DDX55: variants seen among roughly 807,000 people sequenced by gnomAD.
The protein encoded by DDX55 is DEAD-box helicase 55.
In DDX55, 56 loss-of-function variants were observed where a neutral mutation model predicts 69.2. The ratio of observed to expected loss-of-function variants is 0.81; its 90% confidence interval spans 0.65 to 1.01. The LOEUF (loss-of-function observed/expected upper bound fraction) is 1.01. DDX55 is among the 50% of genes least tolerant of loss of function. DDX55 has a pLI of 0.00. For missense variants in DDX55, 720 were observed against 745.1 expected (o/e 0.97, Z 0.39); for synonymous variants, 268 against 273.1 (o/e 0.98, Z 0.18).
chr12:123,615,931 G>A (rs1218464729), intron 9 of DDX55, among the ~76,000 whole-genome samples: 1 of 152,152 alleles, frequency 6.6e-6, no homozygotes, highest in African/African-American at 2.4e-5. Context: ...GCAGTGAGCC[G>A]AGACTGCGCC....
intron 11 of DDX55, 46 bp from the exon 12 acceptor site, chr12:123,618,620 TATG>T: frequency 1.3e-6 from 2 of 1,591,040 alleles, no homozygotes; most frequent in East Asian, 2.2e-5. Flanking sequence ...GCCCTGGGGA[TATG>T]ATGCCAGCCA....
chr12:123,618,050 CTT>C (rs1332456641), intron 11 of DDX55, 178 bp downstream of exon 11: 5 of 546,748 alleles, frequency 9.1e-6, no homozygotes, highest in Admixed American at 6.5e-5. Context: ...GAGTTTCACT[CTT>C]GTTGCCCAGG....
At chr12:123,618,874 TTAAC>T (rs1954912788) in intron 12 of DDX55, 37 bp downstream of exon 12, 1 of 1,606,470 alleles carries the variant, frequency 6.2e-7, no homozygotes, top group African/African-American at 1.3e-5. Context: ...TGTCTCCATC[TTAAC>T]TATGTGGTGG....
At chr12:123,606,015 T>C (rs199551284) in intron 2 of DDX55, 34 bp downstream of exon 2, 7 of 1,613,246 alleles carry the variant, frequency 4.3e-6, no homozygotes, top group Non-Finnish European at 5.9e-6. Flanking sequence ...CCTGTCCTCG[T>C]GTTCTCCCTC....
chr12:123,605,808 CA>C (rs1261074896), intron 1 of DDX55, 122 bp from the exon 2 acceptor site: 63 of 1,304,236 alleles, frequency 4.8e-5, no homozygotes, highest in Non-Finnish European at 6.4e-5. Flanking sequence ...CTTGGTTACT[CA>C]GAGCCCCTTT....
chr12:123,615,706 C>G (rs1285643972), intron 9 of DDX55, among the ~76,000 whole-genome samples: 1 of 152,234 alleles, frequency 6.6e-6, no homozygotes, highest in Non-Finnish European at 1.5e-5. Flanking sequence ...GGCTTAAGGC[C>G]GGACACGGTG....
At chr12:123,606,574 G>GT (rs1367230403) in intron 3 of DDX55, among the ~76,000 whole-genome samples, 1 of 139,024 alleles carries the variant, frequency 7.2e-6, no homozygotes, top group Non-Finnish European at 1.5e-5. Context: ...TTAGTGCCAT[G>GT]TTTTTTACCT....
intron 11 of DDX55, 79 bp from the exon 12 acceptor site, chr12:123,618,590 T>C: frequency 6.4e-7 from 1 of 1,565,506 alleles, no homozygotes; most frequent in Non-Finnish European, 8.6e-7. Flanking sequence ...CGCTTTTGTT[T>C]TTCTTGGTTG....
Position 123,608,820 on chromosome 12 carries a change from T to G in DDX55, c.542T>G (p.Phe181Cys), listed in dbSNP as rs141234230. ...GCAGACAGACTTCTGGACATGGGGT[T>G]TGAGGCAAGGTACTGGACTTTGGAC... is the stretch of plus-strand genomic sequence containing the variant. ...DEADRLLDMGFEASINTILEF... is the reference protein window; with the variant it reads ...DEADRLLDMGCEASINTILEF... The change falls in exon 6 of 14, where the codon TTT (phenylalanine) becomes TGT (cysteine). Residue 181 changes from phenylalanine to cysteine, a missense_variant. Coordinates refer to ENST00000238146, the MANE Select transcript of DDX55 (RefSeq NM_020936.3). The G allele has an allele frequency of 1.7e-4, 276 of 1,613,728 alleles. No individual in the cohort carries two copies. Among genetic ancestry groups the G allele is most frequent in the Non-Finnish European group, 2.1e-4 (242 of 1,179,848 alleles).
chr12:123,618,340 C>A, intron 11 of DDX55: 1 of 604,096 alleles, frequency 1.7e-6, no homozygotes, highest in Non-Finnish European at 3.1e-6. Context: ...GCTGTGGAGG[C>A]ACCTCGGTCA....
At chr12:123,609,806 C>T in intron 6 of DDX55, 133 bp from the exon 7 acceptor site, 2 of 1,039,324 alleles carry the variant, frequency 1.9e-6, no homozygotes, top group East Asian at 2.6e-5. Flanking sequence ...AATCTCACCT[C>T]CCAGTGTATG....
At chr12:123,615,113 C>T in intron 8 of DDX55, 72 bp from the exon 9 acceptor site, 1 of 1,595,546 alleles carries the variant, frequency 6.3e-7, no homozygotes, top group South Asian at 1.1e-5. Context: ...AGCTATTGCT[C>T]ACTGTTCCCC....
chr12:123,608,163 T>A (rs1052325755), intron 5 of DDX55: 5 of 186,044 alleles, frequency 2.7e-5, no homozygotes. Context: ...CAGTTTGTGA[T>A]CTTTACATAG....
intron 13 of DDX55, 75 bp downstream of exon 13, chr12:123,619,799 G>A (rs1955009245): frequency 2.8e-5 from 43 of 1,519,914 alleles, no homozygotes; most frequent in Non-Finnish European, 3.7e-5. Context: ...AATAGGAATT[G>A]TGTGGGGCTG....
At position 123,619,395 on chromosome 12, in the gene DDX55, G is replaced by T. The variant is rs761896543; in HGVS notation, c.1334-37G>T. The T allele has an allele frequency of 2.5e-6, 4 of 1,584,028 alleles. No homozygotes were observed. In the Admixed American group the frequency reaches 5.7e-5, roughly 23 times the overall value. On this transcript the variant is annotated intron_variant, in intron 12 of 13. Coordinates refer to ENST00000238146, the MANE Select transcript of DDX55 (RefSeq NM_020936.3). The stretch of plus-strand genomic sequence containing the variant: ...AGCCATTACTGATTGTTCTAATCCT[G>T]TTGAGTGCGCTAACTCTGATCTTCT...
In DDX55 at chr12:123,610,084, A is replaced by G; in HGVS notation, c.697A>G (p.Ser233Gly). 1.9e-6 allele frequency: 3 copies of G among 1,614,214 alleles called. No homozygotes were observed. The highest frequency in any genetic ancestry group is 2.5e-6 in the Non-Finnish European group (3 of 1,180,042). The change falls in exon 7 of 14, where the codon AGC (serine) becomes GGC (glycine). Residue 233 changes from serine (S) to glycine (G), a missense_variant. Transcript: ENST00000238146. ...VSVKEKGVAA[S>G]SAQKTPSRLE... ...AGTGAAGGAGAAGGGCGTGGCAGCCAGCAGTGCCCAGAAGACCCCCTCCCG... is the reference window on the plus strand; with the variant it reads ...AGTGAAGGAGAAGGGCGTGGCAGCCGGCAGTGCCCAGAAGACCCCCTCCCG...
chr12:123,615,055 C>A, intron 8 of DDX55, 130 bp from the exon 9 acceptor site: 1 of 1,256,342 alleles, frequency 8.0e-7, no homozygotes, highest in Non-Finnish European at 1.1e-6. Context: ...CTGCCATTTT[C>A]CTTGTCATTC....
intron 8 of DDX55, among the ~76,000 whole-genome samples, chr12:123,614,783 A>G (rs1954528060): frequency 6.6e-6 from 1 of 152,204 alleles, no homozygotes; most frequent in Admixed American, 6.5e-5. Context: ...TTGGGAAAGA[A>G]GCAGTTCCCT....
chr12:123,616,679 C>A, intron 10 of DDX55, 76 bp downstream of exon 10: 1 of 1,443,938 alleles, frequency 6.9e-7, no homozygotes, highest in Non-Finnish European at 9.7e-7. Context: ...AGAAGATAAA[C>A]AGATAATGAT....
Sources: allele counts gnomAD v4.1 joint callset (sites outside exome capture counted in the v4.1 genomes callset), GRCh38; gene constraint gnomAD v4.1.1; transcripts MANE v1.5; gene names NCBI Gene and HGNC (gene_info 2026-07-23, HGNC 2026-07-21).